Variants in PTPRZ1 observed in about 807,000 individuals in gnomAD.
The protein encoded by PTPRZ1 is protein tyrosine phosphatase receptor type Z1, also known as receptor-type tyrosine-protein phosphatase zeta.
PTPRZ1 carries 82 observed loss-of-function variants against 214.1 expected under a neutral mutation model. That is an observed-to-expected ratio of 0.38 (90% CI 0.32 to 0.46). The LOEUF is 0.46. Ranked by LOEUF, PTPRZ1 falls within the 20% of genes least tolerant of loss-of-function variation. The probability of loss-of-function intolerance (pLI) is 1.00; values close to 1 mark genes in which losing one functional copy is unlikely to be tolerated. For missense variants in PTPRZ1, 2,603 were observed against 2,748.7 expected, an observed-to-expected ratio of 0.95 and a Z score of 1.19; for synonymous variants, 945 against 987.9, an observed-to-expected ratio of 0.96 and a Z score of 0.81.
intron 2 of PTPRZ1, among the ~76,000 whole-genome samples, chr7:121,966,017 G>T (rs551889434): frequency 1.3e-5 from 2 of 152,136 alleles, no homozygotes; most frequent in Non-Finnish European, 2.9e-5. Context: ...CTTGGGTTAG[G>T]GTGGTAATAG....
At chr7:121,993,718 G>A (rs1428292679) in intron 8 of PTPRZ1, among the ~76,000 whole-genome samples, 2 of 151,980 alleles carry the variant, frequency 1.3e-5, no homozygotes, top group Non-Finnish European at 2.9e-5. Context: ...ACCAAATAGT[G>A]TGTATGGAAT....
rs1792586650 is a variant in PTPRZ1, at chr7:122,061,805, TGTTTA to T, written c.*591_*595del. The T allele has an allele frequency of 6.6e-6, 1 of 152,648 alleles. No individual in the cohort carries two copies. Among genetic ancestry groups the T allele is most frequent in the Non-Finnish European group, 1.5e-5 (1 of 68,038 alleles). The allele number at this position is 152,648 out of a possible 1,614,324, so 9.5% of individuals were successfully genotyped here. On this transcript the variant is annotated 3_prime_UTR_variant, in exon 30 of 30. Coordinates refer to ENST00000393386, the MANE Select transcript of PTPRZ1 (RefSeq NM_002851.3). Reference sequence around the variant, plus strand: ...GTCAAGTTTTCTAGTTCTGTGTAATTGTTTAGTTTAATGACGTAGTTCATTAGCTG... The same window carrying T: ...GTCAAGTTTTCTAGTTCTGTGTAATTGTTTAATGACGTAGTTCATTAGCTG...
intron 1 of PTPRZ1, among the ~76,000 whole-genome samples, chr7:121,909,366 C>T (rs1471679472): frequency 6.6e-6 from 1 of 150,480 alleles, no homozygotes; most frequent in Non-Finnish European, 1.5e-5. Context: ...GCCCTCAGTC[C>T]AACTGGAACG....
intron 17 of PTPRZ1, among the ~76,000 whole-genome samples, 153 bp from the exon 18 acceptor site, chr7:122,036,447 T>C (rs1396399055): frequency 1.3e-5 from 2 of 152,218 alleles, no homozygotes; most frequent in African/African-American, 2.4e-5. Context: ...TTTGTTTTCT[T>C]TGCTGTCTCT....
intron 22 of PTPRZ1, 60 bp downstream of exon 22, chr7:122,042,803 A>G: frequency 1.3e-6 from 2 of 1,533,422 alleles, no homozygotes; most frequent in South Asian, 1.2e-5. Flanking sequence ...ACTAAAATGT[A>G]GGTGTATTCA....
At chr7:121,895,601 C>T (rs1794763044) in intron 1 of PTPRZ1, among the ~76,000 whole-genome samples, 1 of 151,958 alleles carries the variant, frequency 6.6e-6, no homozygotes, top group South Asian at 2.1e-4. Flanking sequence ...GTAAACATTG[C>T]TACAATTTTA....
chr7:121,962,059 A>T (rs1796895388), intron 2 of PTPRZ1, among the ~76,000 whole-genome samples: 1 of 152,182 alleles, frequency 6.6e-6, no homozygotes, highest in Non-Finnish European at 1.5e-5. Flanking sequence ...AATTCTGTAT[A>T]CCTGCTTTCT....
Position 121,873,457 on chromosome 7 carries a change from A to C in PTPRZ1, c.-43A>C, listed in dbSNP as rs534988398. ...GCTCCCCCTCCCTCTCCACTCTGAG[A>C]AGCAGAGGAGCCGCACGGCGAGGGG... is the stretch of plus-strand genomic sequence containing the variant. On this transcript the variant is annotated 5_prime_UTR_variant, in exon 1 of 30. Coordinates refer to ENST00000393386, the MANE Select transcript of PTPRZ1 (RefSeq NM_002851.3). 1 of 1,604,936 alleles carries C rather than the reference A, an allele frequency of 6.2e-7. No homozygotes were observed. The highest frequency in any genetic ancestry group is 8.5e-7 in the Non-Finnish European group (1 of 1,173,258).
rs550567383 is a variant in PTPRZ1, at chr7:121,906,895, A to G, written c.59-21261A>G. Among the ~76,000 whole-genome samples, 366 of 152,310 alleles carry G rather than the reference A, an allele frequency of 2.4e-3. 2 individuals carry two copies. Among genetic ancestry groups the G allele is most frequent in the African/African-American group, 8.3e-3 (345 of 41,580 alleles). On this transcript the variant is annotated intron_variant, in intron 1 of 29. Coordinates refer to ENST00000393386, the MANE Select transcript of PTPRZ1 (RefSeq NM_002851.3). ...AACTTGAGTTGTATTCAGTACACAT[A>G]TGGAATAGTAAGTTATTACATTTTA... is the stretch of plus-strand genomic sequence containing the variant.
chr7:122,039,704 A>G, intron 20 of PTPRZ1, 116 bp downstream of exon 20: 1 of 1,328,374 alleles, frequency 7.5e-7, no homozygotes, highest in Non-Finnish European at 1.0e-6. Flanking sequence ...GGCATTAAAA[A>G]TTCTTGTAAC....
At chr7:121,976,065 T>A (rs1051444262) in intron 4 of PTPRZ1, 108 bp from the exon 5 acceptor site, 7 of 653,510 alleles carry the variant, frequency 1.1e-5, no homozygotes, top group Non-Finnish European at 1.6e-5. Context: ...TGTAGTTGTA[T>A]ACATGTAATT....
At chr7:122,006,683 C>A (rs958566879) in intron 11 of PTPRZ1, among the ~76,000 whole-genome samples, 2 of 151,792 alleles carry the variant, frequency 1.3e-5, no homozygotes, top group African/African-American at 2.4e-5. Context: ...TGTGAGCAGG[C>A]TGGCTTGTTG....
intron 2 of PTPRZ1, among the ~76,000 whole-genome samples, chr7:121,962,174 G>A (rs114332675): frequency 6.6e-6 from 1 of 152,100 alleles, no homozygotes; most frequent in African/African-American, 2.4e-5. Flanking sequence ...TTAAGGCCAG[G>A]CACAGTGGTT....
intron 8 of PTPRZ1, among the ~76,000 whole-genome samples, chr7:121,994,386 C>A (rs1798071360): frequency 6.9e-6 from 1 of 145,416 alleles, no homozygotes; most frequent in Admixed American, 7.1e-5. Context: ...GCTCCGCATC[C>A]CGGGTTCACG....
At chr7:121,918,820 CTG>C (rs1029761492) in intron 1 of PTPRZ1, among the ~76,000 whole-genome samples, 19 of 148,484 alleles carry the variant, frequency 1.3e-4, no homozygotes, top group Non-Finnish European at 2.7e-4. Flanking sequence ...AGTATCATAA[CTG>C]TTGATATTTT....
intron 1 of PTPRZ1, among the ~76,000 whole-genome samples, chr7:121,881,686 G>A (rs1412295358): frequency 6.6e-6 from 1 of 152,172 alleles, no homozygotes; most frequent in Non-Finnish European, 1.5e-5. Context: ...CTAGAAGGAG[G>A]AGTATGCTCT....
intron 1 of PTPRZ1, among the ~76,000 whole-genome samples, chr7:121,911,283 ATAAT>A (rs1464978196): frequency 6.6e-6 from 1 of 152,128 alleles, no homozygotes. Flanking sequence ...ATATTTCTTA[ATAAT>A]TATATGCACA....
intron 1 of PTPRZ1, among the ~76,000 whole-genome samples, chr7:121,881,769 A>G (rs866760613): frequency 6.6e-6 from 1 of 152,166 alleles, no homozygotes; most frequent in Non-Finnish European, 1.5e-5. Context: ...AGTGGGTCCA[A>G]AGATTCAAGT....
chr7:121,929,915 A>G (rs980379196), intron 2 of PTPRZ1, among the ~76,000 whole-genome samples: 1 of 152,126 alleles, frequency 6.6e-6, no homozygotes, highest in Non-Finnish European at 1.5e-5. Context: ...CTCATCTGTC[A>G]TATAAATGAC....
Sources: gnomAD v4.1 joint callset for allele counts (sites outside exome capture counted in the v4.1 genomes callset) on GRCh38, gnomAD v4.1.1 for gene constraint, MANE v1.5 for transcripts, NCBI Gene and HGNC (gene_info 2026-07-23, HGNC 2026-07-21) for gene names.